Variants in SPATA31G1 observed in about 807,000 individuals in gnomAD.
SPATA31G1 encodes spermatogenesis-associated protein 31G1.
chr9:35,044,005 G>C, the SPATA31G1 span: 36 of 1,613,004 alleles, frequency 2.2e-5, no homozygotes, highest in Non-Finnish European at 3.0e-5. Flanking sequence ...ATGCAAAGTA[G>C]AGAAAATATT....
At chr9:35,042,399 G>A in the SPATA31G1 span, 1,838 of 1,614,216 alleles carry the variant, frequency 1.1e-3, 30 homozygotes, top group South Asian at 0.019. Flanking sequence ...ATTCTTATTC[G>A]TGGTTTGGCA....
At chr9:35,042,235 C>T in the SPATA31G1 span, 11 of 1,611,436 alleles carry the variant, frequency 6.8e-6, no homozygotes, top group East Asian at 4.5e-5. Flanking sequence ...TCAGGGTAAA[C>T]TGCCAGAAGG....
the SPATA31G1 span, chr9:35,045,557 G>A: frequency 6.2e-7 from 1 of 1,614,172 alleles, no homozygotes; most frequent in Non-Finnish European, 8.5e-7. Context: ...ACCCTGCCCA[G>A]GCCAGAAGCC....
the SPATA31G1 span, chr9:35,042,271 A>G: frequency 7.9e-3 from 12,797 of 1,614,042 alleles, 68 homozygotes; most frequent in Non-Finnish European, 9.3e-3. Context: ...TGGCTGCTGG[A>G]GGACCTGCTT....
chr9:35,043,221 G>T, the SPATA31G1 span: 1 of 1,614,158 alleles, frequency 6.2e-7, no homozygotes, highest in Non-Finnish European at 8.5e-7. Flanking sequence ...GCTCTTCTGG[G>T]GTCTCCCCTC....
At chr9:35,045,628 A>C in the SPATA31G1 span, 3 of 1,614,188 alleles carry the variant, frequency 1.9e-6, no homozygotes, top group Non-Finnish European at 2.5e-6. Flanking sequence ...CAGAGCTCTC[A>C]ACACACTGCT....
the SPATA31G1 span, chr9:35,045,282 C>T: frequency 6.2e-7 from 1 of 1,614,076 alleles, no homozygotes; most frequent in South Asian, 1.1e-5. Flanking sequence ...ACAAGGGTCT[C>T]AGAGAGGGGA....
chr9:35,041,375 G>T, the SPATA31G1 span: 1 of 207,782 alleles, frequency 4.8e-6, no homozygotes. Context: ...CTAATAAGAT[G>T]GAGAGGAAAG....
At chr9:35,044,313 C>T in the SPATA31G1 span, 2 of 1,614,134 alleles carry the variant, frequency 1.2e-6, no homozygotes, top group Non-Finnish European at 1.7e-6. Flanking sequence ...ATCTCTGGCC[C>T]TCAGCCCACC....
the SPATA31G1 span, chr9:35,045,364 ACTAT>A: frequency 6.2e-6 from 10 of 1,614,064 alleles, no homozygotes; most frequent in Admixed American, 5.0e-5. Context: ...GCTGGTGTGG[ACTAT>A]CTATCTCCAG....
At chr9:35,043,893 A>G in the SPATA31G1 span, 783 of 1,614,130 alleles carry the variant, frequency 4.9e-4, 6 homozygotes, top group African/African-American at 9.3e-3. Context: ...AAACTCAGGA[A>G]ACCTCTGGGC....
chr9:35,045,495 C>T, the SPATA31G1 span: 48 of 1,614,062 alleles, frequency 3.0e-5, no homozygotes, highest in South Asian at 4.8e-4. Context: ...AGCAGGAGAC[C>T]ATAGAAGAGG....
At chr9:35,044,097 G>C in the SPATA31G1 span, 1 of 1,614,140 alleles carries the variant, frequency 6.2e-7, no homozygotes, top group Admixed American at 1.7e-5. Flanking sequence ...CCCCCAGGGA[G>C]TCCTGTCTGA....
At chr9:35,042,261 T>C in the SPATA31G1 span, 10 of 1,613,958 alleles carry the variant, frequency 6.2e-6, no homozygotes, top group African/African-American at 1.3e-5. Flanking sequence ...GGAAATGGAA[T>C]GGCTGCTGGA....
chr9:35,045,613 G>A, the SPATA31G1 span: 2 of 1,614,080 alleles, frequency 1.2e-6, no homozygotes, highest in South Asian at 1.1e-5. Flanking sequence ...TCTCAACACA[G>A]GGGCCAGAGC....
the SPATA31G1 span, chr9:35,042,551 T>C: frequency 1.9e-6 from 3 of 1,608,128 alleles, no homozygotes; most frequent in African/African-American, 2.7e-5. Flanking sequence ...GTCATTGGTA[T>C]GAATGTGGGC....
At chr9:35,042,939 G>A in the SPATA31G1 span, 1 of 1,614,058 alleles carries the variant, frequency 6.2e-7, no homozygotes. Flanking sequence ...AGAAGGGGAA[G>A]AAGAGGAAGA....
At chr9:35,044,317 G>A in the SPATA31G1 span, 3 of 1,613,992 alleles carry the variant, frequency 1.9e-6, no homozygotes, top group Non-Finnish European at 2.5e-6. Flanking sequence ...CTGGCCCTCA[G>A]CCCACCCCCA....
At chr9:35,042,250 G>C in the SPATA31G1 span, 17 of 1,613,622 alleles carry the variant, frequency 1.1e-5, no homozygotes, top group Admixed American at 1.7e-5. Flanking sequence ...AGAAGGCTAA[G>C]GGAAATGGAA....
Sources: allele counts gnomAD v4.1 joint callset, GRCh38; gene constraint gnomAD v4.1.1; transcripts MANE v1.5; gene names NCBI Gene and HGNC (gene_info 2026-07-23, HGNC 2026-07-21).